The following STK3 variants were observed in gnomAD, a reference collection of about 807,000 sequenced individuals.
The protein encoded by STK3 is serine/threonine-protein kinase 3.
Under a neutral mutation model 58.0 loss-of-function variants are expected in STK3, and 41 were observed. That is an observed-to-expected ratio of 0.71 (90% CI 0.55 to 0.92). The LOEUF is 0.92. Among genes scored for constraint, STK3 ranks in the 40% least tolerant of loss-of-function variants. The pLI, the probability that STK3 is intolerant of heterozygous loss-of-function variation, is 0.00. For synonymous variants in STK3, 170 were observed against 191.0 expected (o/e 0.89, Z 0.91); for missense variants, 479 against 602.7 (o/e 0.79, Z 2.15).
At chr8:98,890,333 G>A (rs778839139) in intron 1 of STK3, among the ~76,000 whole-genome samples, 1 of 152,168 alleles carries the variant, frequency 6.6e-6, no homozygotes, top group Non-Finnish European at 1.5e-5. Context: ...TTTTACTCTC[G>A]CTTTCGTTCA....
intron 2 of STK3, among the ~76,000 whole-genome samples, chr8:98,767,926 T>A (rs79750940): frequency 0.016 from 2,450 of 152,282 alleles, 33 homozygotes; most frequent in South Asian, 0.029. Flanking sequence ...TTCATTACCT[T>A]TTCCTCAAGA....
rs536903616 is a variant in STK3 at position 98,766,894 on chromosome 8, G to A, written c.236+349C>T. Reference sequence around the variant, plus strand: ...TCCCAGCACTTTGGGAGGCCAAGGCGGGTGGATCACCTGAGGTCAGGAGTT... The same window carrying A: ...TCCCAGCACTTTGGGAGGCCAAGGCAGGTGGATCACCTGAGGTCAGGAGTT... On this transcript the variant is annotated intron_variant, in intron 3 of 10. Transcript: ENST00000419617. Among the ~76,000 whole-genome samples, 288 of 152,250 alleles carry A rather than the reference G, an allele frequency of 1.9e-3. 2 individuals carry two copies. The highest frequency in any genetic ancestry group is 6.6e-3 in the African/African-American group (275 of 41,532).
downstream of STK3, chr8:98,882,717 C>G (rs1837843769): frequency 6.6e-6 from 1 of 152,206 alleles, no homozygotes; most frequent in Non-Finnish European, 1.5e-5. Flanking sequence ...GGCCCAATAT[C>G]CTCTTTTTTT....
chr8:98,841,703 T>A (rs1216051015), intron 3 of STK3, among the ~76,000 whole-genome samples: 20 of 136,412 alleles, frequency 1.5e-4, no homozygotes, highest in South Asian at 2.4e-4. Flanking sequence ...AAAAAAAAAA[T>A]TTAAAAATGT....
intron 6 of STK3, among the ~76,000 whole-genome samples, chr8:98,691,656 G>A (rs974957672): frequency 6.6e-6 from 1 of 152,078 alleles, no homozygotes; most frequent in Non-Finnish European, 1.5e-5. Context: ...AGCAGCACCG[G>A]GCGCAGTGGC....
chr8:98,376,741 G>T (rs997686837), intron 2 of STK3, among the ~76,000 whole-genome samples: 2 of 152,136 alleles, frequency 1.3e-5, no homozygotes, highest in African/African-American at 2.4e-5. Context: ...TATAACTTAA[G>T]AGTGAAATAT....
intron 1 of STK3, among the ~76,000 whole-genome samples, chr8:98,792,109 A>C (rs922626240): frequency 2.1e-4 from 32 of 152,154 alleles, no homozygotes; most frequent in African/African-American, 7.5e-4. Flanking sequence ...CAAACAAATT[A>C]AGAAAAAACA....
At chr8:98,575,019 G>A (rs774685270) in intron 8 of STK3, among the ~76,000 whole-genome samples, 2 of 152,032 alleles carry the variant, frequency 1.3e-5, no homozygotes, top group Non-Finnish European at 2.9e-5. Context: ...GGCTATTCGG[G>A]GTGGTGGGGG....
intron 7 of STK3, among the ~76,000 whole-genome samples, chr8:98,583,883 C>T (rs937746242): frequency 6.7e-6 from 1 of 148,428 alleles, no homozygotes; most frequent in African/African-American, 2.5e-5. Flanking sequence ...GTAAGAGAGA[C>T]AGAGAGAAGA....
intron 9 of STK3, among the ~76,000 whole-genome samples, chr8:98,533,591 G>A (rs779238495): frequency 1.3e-5 from 2 of 152,046 alleles, no homozygotes; most frequent in Non-Finnish European, 2.9e-5. Context: ...GGGCTCAAGC[G>A]ATTTTCCCAT....
At chr8:98,707,345 ATGCCACGT>A in intron 4 of STK3, 34 bp from the exon 5 acceptor site, 1 of 1,425,560 alleles carries the variant, frequency 7.0e-7, no homozygotes, top group South Asian at 1.4e-5. Flanking sequence ...CATAATTAAA[ATGCCACGT>A]TAGATAAAAT....
chr8:98,905,534 C>T lies in STK3; in HGVS notation c.-78-21700G>A, dbSNP rs183379242. The T allele has an allele frequency of 2.6e-4, 269 of 1,052,240 alleles. No individual in the cohort carries two copies. The African/African-American group carries it at 3.6e-3, about 14-fold the overall frequency. 65.2% of individuals were successfully genotyped at this position (1,052,240 alleles called of 1,614,324 possible). A position where few individuals can be genotyped will look rare whatever the true frequency, so the allele number is the denominator to read the frequency against. On this transcript the variant is annotated intron_variant, in intron 1 of 1. Transcript: ENST00000519420. ...AGTTGTGTATGGTATCCTCAGCCGCCGTCTTGTCTTCTATGTGTACAAAGC... is the reference window on the plus strand; with the variant it reads ...AGTTGTGTATGGTATCCTCAGCCGCTGTCTTGTCTTCTATGTGTACAAAGC...
At chr8:98,867,180 G>C (rs1383766505) in intron 3 of STK3, among the ~76,000 whole-genome samples, 1 of 152,160 alleles carries the variant, frequency 6.6e-6, no homozygotes, top group Non-Finnish European at 1.5e-5. Context: ...ACGTTGGGAG[G>C]CTAGGTGGGT....
At chr8:98,496,420 C>T (rs756499170) in intron 10 of STK3, among the ~76,000 whole-genome samples, 2 of 151,986 alleles carry the variant, frequency 1.3e-5, no homozygotes, top group Non-Finnish European at 2.9e-5. Context: ...CAATCAAAAC[C>T]GTTAAAATAT....
chr8:98,636,660 G>A (rs1424657706), intron 6 of STK3, among the ~76,000 whole-genome samples: 1 of 152,074 alleles, frequency 6.6e-6, no homozygotes, highest in Non-Finnish European at 1.5e-5. Context: ...TATTACAAGA[G>A]TATAAGTTAC....
At chr8:98,462,085 C>A (rs114805941) in intron 10 of STK3, among the ~76,000 whole-genome samples, 7 of 152,174 alleles carry the variant, frequency 4.6e-5, no homozygotes, top group Admixed American at 2.6e-4. Flanking sequence ...CCTTTGAATA[C>A]GATCCAATAA....
intron 1 of STK3, among the ~76,000 whole-genome samples, chr8:98,820,425 C>A (rs978711641): frequency 1.3e-5 from 2 of 152,184 alleles, no homozygotes; most frequent in Admixed American, 6.5e-5. Flanking sequence ...TTTTAAATAA[C>A]TACTAACACT....
chr8:98,920,508 A>T (rs540101892), intron 1 of STK3, among the ~76,000 whole-genome samples: 1 of 152,336 alleles, frequency 6.6e-6, no homozygotes, highest in East Asian at 1.9e-4. Flanking sequence ...AACAGCTGCC[A>T]AAAGCACATT....
At position 98,565,569 on chromosome 8, in the gene STK3, T is replaced by A. The variant is rs567878663; in HGVS notation, c.948+14095A>T. On this transcript the variant is annotated intron_variant, in intron 8 of 10. Transcript: ENST00000419617. ...CTTTTAAAAAATGCACTTAAGTACA[T>A]TCTATTTTCAAAATAGCATCATTTA... is the stretch of plus-strand genomic sequence containing the variant. 7.2e-4 allele frequency among the ~76,000 whole-genome samples: 109 copies of A among 152,290 alleles called. 1 individual carries two copies. The highest frequency in any genetic ancestry group is 2.6e-3 in the African/African-American group (108 of 41,586).
Sources: gnomAD v4.1 joint callset for allele counts (sites outside exome capture counted in the v4.1 genomes callset) on GRCh38, gnomAD v4.1.1 for gene constraint, MANE v1.5 for transcripts, NCBI Gene and HGNC (gene_info 2026-07-23, HGNC 2026-07-21) for gene names.